NOL4: variants seen among roughly 807,000 people sequenced by gnomAD.
NOL4 encodes the protein nucleolar protein 4, also known as cancer/testis antigen 125.
Under a neutral mutation model 75.9 loss-of-function variants are expected in NOL4, and 17 were observed. That is an observed-to-expected ratio of 0.22 (90% CI 0.15 to 0.34). The LOEUF (loss-of-function observed/expected upper bound fraction) is 0.34. NOL4 is among the 10% of genes least tolerant of loss of function. NOL4 has a pLI of 1.00. For synonymous variants in NOL4, 292 were observed against 289.9 expected (o/e 1.01, Z -0.07); for missense variants, 614 against 793.5 (o/e 0.77, Z 2.72).
chr18:34,056,015 C>T (rs150912532), intron 5 of NOL4, among the ~76,000 whole-genome samples: 6 of 152,202 alleles, frequency 3.9e-5, no homozygotes, highest in East Asian at 1.9e-4. Context: ...TTTGTTCATA[C>T]ATTGTTTTCT....
At chr18:33,860,004 T>C (rs565476927) in intron 10 of NOL4, among the ~76,000 whole-genome samples, 2 of 152,232 alleles carry the variant, frequency 1.3e-5, no homozygotes, top group South Asian at 4.1e-4. Context: ...CAGTTATGCA[T>C]GGCTGGGGAG....
chr18:34,130,750 G>C (rs973529230), intron 1 of NOL4, among the ~76,000 whole-genome samples: 1 of 152,086 alleles, frequency 6.6e-6, no homozygotes, highest in African/African-American at 2.4e-5. Context: ...ACCACATAAT[G>C]AACCCTCAGT....
chr18:34,148,127 G>C (rs148412240), intron 1 of NOL4, among the ~76,000 whole-genome samples: 1 of 151,608 alleles, frequency 6.6e-6, no homozygotes, highest in African/African-American at 2.4e-5. Flanking sequence ...TCTGGCTAGC[G>C]ATCTGTCTAT....
At chr18:33,866,904 T>G (rs938284774) in intron 10 of NOL4, among the ~76,000 whole-genome samples, 6 of 152,106 alleles carry the variant, frequency 3.9e-5, no homozygotes, top group African/African-American at 1.4e-4. Context: ...AAGCAATCCC[T>G]AAAACCAGAA....
At chr18:34,222,263 T>A (rs1181046608) in intron 1 of NOL4, 3 of 1,377,358 alleles carry the variant, frequency 2.2e-6, no homozygotes, top group Non-Finnish European at 2.8e-6. Context: ...CACCATTCGA[T>A]AGCGCCTAAA....
intron 2 of NOL4, among the ~76,000 whole-genome samples, chr18:34,117,263 G>A (rs1398283676): frequency 6.6e-6 from 1 of 152,092 alleles, no homozygotes; most frequent in Non-Finnish European, 1.5e-5. Context: ...GAGAGGTTGT[G>A]TATTTTGCCA....
chr18:33,853,888 A>G lies in NOL4; in HGVS notation c.1724-853T>C, dbSNP rs181900540. Among the ~76,000 whole-genome samples, 369 of 152,242 alleles carry G rather than the reference A, an allele frequency of 2.4e-3. 1 individual carries two copies. Among genetic ancestry groups the G allele is most frequent in the Middle Eastern group, 0.014 (4 of 294 alleles). ...ACATTTTGTAAATTTTTACTTAAAA[A>G]GTATTTATAAAGTTATTTAAAATCT... is the stretch of plus-strand genomic sequence containing the variant. On this transcript the variant is annotated intron_variant, in intron 10 of 10. Transcript: ENST00000261592.
chr18:33,888,251 C>T (rs1256444786), intron 9 of NOL4, among the ~76,000 whole-genome samples: 2 of 152,156 alleles, frequency 1.3e-5, no homozygotes, highest in Non-Finnish European at 2.9e-5. Flanking sequence ...TATCCTTCAC[C>T]CACTTTTTGA....
intron 6 of NOL4, among the ~76,000 whole-genome samples, chr18:33,967,904 G>A (rs1019327394): frequency 1.3e-4 from 20 of 151,996 alleles, no homozygotes; most frequent in African/African-American, 4.6e-4. Flanking sequence ...TGGCCAATAT[G>A]GTGAAACCCT....
intron 1 of NOL4, among the ~76,000 whole-genome samples, chr18:34,167,044 C>CAAA (rs1174730527): frequency 0.012 from 67 of 5,660 alleles, 13 homozygotes; most frequent in Non-Finnish European, 0.016. Flanking sequence ...GACTCCGTCT[C>CAAA]AAAAAAAAAA....
At chr18:33,853,150 T>C in intron 10 of NOL4, 115 bp from the exon 11 acceptor site, 1 of 868,610 alleles carries the variant, frequency 1.2e-6, no homozygotes. Context: ...CACAAGAAGC[T>C]AGTGATCTCT....
Position 33,928,990 on chromosome 18 carries a change from T to C in NOL4, c.1542+14075A>G, listed in dbSNP as rs546232260. On this transcript the variant is annotated intron_variant, in intron 9 of 10. Coordinates refer to ENST00000261592, the MANE Select transcript of NOL4 (RefSeq NM_003787.5). The stretch of plus-strand genomic sequence containing the variant: ...TGCTCAGATTTAAATATCATTGCAT[T>C]TAAATAGAAAACCTGAAATGAGAGG... Among the ~76,000 whole-genome samples, 5 of 151,660 alleles carry C rather than the reference T, an allele frequency of 3.3e-5. No homozygotes were observed. The South Asian group carries it at 1.0e-3, about 31-fold the overall frequency.
intron 6 of NOL4, among the ~76,000 whole-genome samples, chr18:33,977,145 A>G (rs2071557269): frequency 6.6e-6 from 1 of 152,184 alleles, no homozygotes; most frequent in Non-Finnish European, 1.5e-5. Flanking sequence ...TACTTTACAC[A>G]TATCAGAGTT....
In NOL4 at chr18:33,873,055, A is replaced by G. The variant is rs183688165; in HGVS notation, c.1723+10189T>C. 1.1e-3 allele frequency among the ~76,000 whole-genome samples: 166 copies of G among 152,058 alleles called. 1 individual carries two copies. Among genetic ancestry groups the G allele is most frequent in the Non-Finnish European group, 2.2e-4 (15 of 67,926 alleles). On this transcript the variant is annotated intron_variant, in intron 10 of 10. Transcript: ENST00000261592. ...ACCTCCTTGGATATATAATAACTGC[A>G]TAATTCCAGTTACGTTTACTTCAAT...
intron 1 of NOL4, among the ~76,000 whole-genome samples, chr18:34,219,755 T>A (rs998234048): frequency 6.6e-6 from 1 of 152,248 alleles, no homozygotes; most frequent in Non-Finnish European, 1.5e-5. Flanking sequence ...AGTGGTACTA[T>A]CTAAAAAGCA....
intron 9 of NOL4, among the ~76,000 whole-genome samples, chr18:33,932,101 G>A (rs917364941): frequency 1.3e-5 from 2 of 151,932 alleles, no homozygotes; most frequent in Non-Finnish European, 2.9e-5. Flanking sequence ...AGTACCTGAT[G>A]ATTTCATTAT....
At chr18:34,008,629 A>T (rs1466911089) in intron 6 of NOL4, among the ~76,000 whole-genome samples, 1 of 152,028 alleles carries the variant, frequency 6.6e-6, no homozygotes, top group South Asian at 2.1e-4. Flanking sequence ...TGCAAAGCTC[A>T]TAAGGCCCCA....
intron 5 of NOL4, among the ~76,000 whole-genome samples, chr18:34,030,718 T>A (rs1258898714): frequency 6.6e-6 from 1 of 152,156 alleles, no homozygotes; most frequent in Non-Finnish European, 1.5e-5. Context: ...ATATTGAATG[T>A]TCTCAACACC....
At chr18:34,190,589 GTC>G in intron 1 of NOL4, among the ~76,000 whole-genome samples, 1 of 151,952 alleles carries the variant, frequency 6.6e-6, no homozygotes, top group Admixed American at 6.6e-5. Context: ...GTGAGTCCTA[GTC>G]TCTTTTTTAT....
Sources: gnomAD v4.1 joint callset for allele counts (sites outside exome capture counted in the v4.1 genomes callset) on GRCh38, gnomAD v4.1.1 for gene constraint, MANE v1.5 for transcripts, NCBI Gene and HGNC (gene_info 2026-07-23, HGNC 2026-07-21) for gene names.